Variants in ZNF888 observed in about 807,000 individuals in gnomAD.
ZNF888 encodes the protein CTD-2331H12.6.
In ZNF888, 5 loss-of-function variants were observed where a neutral mutation model predicts 7.2. The ratio of observed to expected loss-of-function variants is 0.70; its 90% CI spans 0.36 to 1.46. The LOEUF (loss-of-function observed/expected upper bound fraction) is 1.46. Ranked by LOEUF, ZNF888 falls within the 40% of genes most tolerant of loss-of-function variation. The probability of loss-of-function intolerance (pLI) is 0.03; values close to 1 mark genes in which losing one functional copy is unlikely to be tolerated. For synonymous variants in ZNF888, 240 were observed against 284.3 expected, an observed-to-expected ratio of 0.84 and a Z score of 1.57; for missense variants, 716 against 858.0, an observed-to-expected ratio of 0.83 and a Z score of 2.07.
intron 3 of ZNF888, among the ~76,000 whole-genome samples, chr19:52,915,936 T>G (rs1218667898): frequency 6.6e-6 from 1 of 152,298 alleles, no homozygotes; most frequent in African/African-American, 2.4e-5. Context: ...TGACATTCAG[T>G]ATCTCGAAGA....
At chr19:52,914,307 T>C (rs930884985) in intron 4 of ZNF888, 79 of 980,052 alleles carry the variant, frequency 8.1e-5, no homozygotes, top group South Asian at 1.9e-4. Context: ...ACACCTGTAA[T>C]ATATTCCCAC....
At position 52,906,490 on chromosome 19, in the gene ZNF888, C is replaced by T; in HGVS notation, c.1832G>A (p.Cys611Tyr). The T allele has an allele frequency of 1.2e-6, 2 of 1,613,670 alleles. No homozygotes were observed. Among genetic ancestry groups the T allele is most frequent in the Non-Finnish European group, 1.7e-6 (2 of 1,179,732 alleles). Residue 611 changes from cysteine (C) to tyrosine (Y), a missense_variant, in exon 5 of 5, where the codon TGT becomes TAT. Physicochemically the swap from Cys to Tyr is radical, Grantham distance 194 (BLOSUM62 -2). Around this residue, in one of 2 missense-constraint regions of ZNF888, gnomAD observed 697 missense variants for 803.4 expected, o/e 0.87. Transcript: ENST00000638862. The stretch of plus-strand genomic sequence containing the variant: ...TGATTTGATATTGAAAACTTTGTCA[C>T]ATTCTTCACATTTGTAAGGTTTCTC... Reference protein sequence around the residue: ...TGEKPYKCEECDKVFNIKSHL... With the variant: ...TGEKPYKCEEYDKVFNIKSHL...
chr19:52,922,688 CCT>C (rs758968331), intron 1 of ZNF888, among the ~76,000 whole-genome samples: 5 of 152,254 alleles, frequency 3.3e-5, no homozygotes, highest in African/African-American at 4.8e-5. Flanking sequence ...TCTCTGATTC[CCT>C]CTCTCTGTCT....
chr19:52,922,991 G>A lies in ZNF888; in HGVS notation c.-178+378C>T, dbSNP rs2064839929. 2.0e-5 allele frequency among the ~76,000 whole-genome samples: 3 copies of A among 152,126 alleles called. No individual in the cohort carries two copies. In the South Asian group the frequency reaches 6.2e-4, roughly 32 times the overall value. ...CCGGGCAGAGAACGCGGCCTCCCTG[G>A]GACTGTGGTGTCAGCGCTGGGCTCC... On this transcript the variant is annotated intron_variant, in intron 1 of 4. Coordinates refer to ENST00000638862, the MANE Select transcript of ZNF888 (RefSeq NM_001393938.1).
At chr19:52,913,729 C>T in intron 4 of ZNF888, 2 of 984,718 alleles carry the variant, frequency 2.0e-6, no homozygotes, top group Non-Finnish European at 2.4e-6. Context: ...CACTTCACTT[C>T]TGCGTACTGA....
Position 52,905,054 on chromosome 19 carries a change from C to G in ZNF888, c.*1111G>C, listed in dbSNP as rs1022817512. The G allele has an allele frequency of 6.6e-6, 1 of 152,382 alleles. No homozygotes were observed. The highest frequency in any genetic ancestry group is 1.5e-5 in the Non-Finnish European group (1 of 67,998). 9.4% of individuals were successfully genotyped at this position (152,382 alleles called of 1,614,324 possible). A position where few individuals can be genotyped will look rare whatever the true frequency, so the allele number is the denominator to read the frequency against. ...TACCTTGAAATCTATAAATGTTGAT[C>G]AAAATGATTAAAAACATACATAGAG... On this transcript the variant is annotated 3_prime_UTR_variant, in exon 5 of 5. Coordinates refer to ENST00000638862, the MANE Select transcript of ZNF888 (RefSeq NM_001393938.1).
rs372864213 is a variant in ZNF888, at chr19:52,923,412, C to G, written c.-221G>C. 41 of 985,272 alleles carry G rather than the reference C, an allele frequency of 4.2e-5. No homozygotes were observed. The highest frequency in any genetic ancestry group is 4.8e-5 in the Non-Finnish European group (40 of 830,026). 61.0% of individuals were successfully genotyped at this position (985,272 alleles called of 1,614,324 possible). A position where few individuals can be genotyped will look rare whatever the true frequency, so the allele number is the denominator to read the frequency against. On this transcript the variant is annotated 5_prime_UTR_variant, in exon 1 of 5. Coordinates refer to ENST00000638862, the MANE Select transcript of ZNF888 (RefSeq NM_001393938.1). ...AGTCCACGCGATCCGCTTCCTGGTCCGGGCGAATCTACAAGCACAGGACAG... is the reference window on the plus strand; with the variant it reads ...AGTCCACGCGATCCGCTTCCTGGTCGGGGCGAATCTACAAGCACAGGACAG...
chr19:52,917,837 T>C (rs1186666587), intron 3 of ZNF888, 22 bp downstream of exon 3: 1 of 1,613,508 alleles, frequency 6.2e-7, no homozygotes, highest in Non-Finnish European at 8.5e-7. Context: ...GACAGAACAA[T>C]CCACAGAGAA....
At position 52,906,772 on chromosome 19, in the gene ZNF888, G is replaced by A; in HGVS notation, c.1550C>T (p.Thr517Ile). 6.2e-7 allele frequency: 1 copy of A among 1,611,786 alleles called. No individual in the cohort carries two copies. ...ATTACACTTGTAAGGTTTCTCTCCA[G>A]TGTGAATTACAGTATGTTGTGCCAG... ...SHLAQHTVIH[T>I]GEKPYKCNEC... Residue 517 changes from threonine (T) to isoleucine (I), a missense_variant, in exon 5 of 5, where the codon ACT (threonine) becomes ATT (isoleucine). Coordinates refer to ENST00000638862, the MANE Select transcript of ZNF888 (RefSeq NM_001393938.1).
At chr19:52,912,260 C>A (rs1465031247) in intron 4 of ZNF888, among the ~76,000 whole-genome samples, 1 of 150,126 alleles carries the variant, frequency 6.7e-6, no homozygotes, top group South Asian at 2.1e-4. Context: ...ACTACAGGCA[C>A]CTGCCACCGC....
intron 4 of ZNF888, among the ~76,000 whole-genome samples, chr19:52,909,253 T>C (rs2064648625): frequency 8.8e-6 from 1 of 113,850 alleles, no homozygotes; most frequent in Non-Finnish European, 1.7e-5. Context: ...AATTTTTGTA[T>C]TTTTTTTTTT....
intron 2 of ZNF888, chr19:52,918,252 G>C: frequency 1.0e-6 from 1 of 964,264 alleles, no homozygotes; most frequent in Non-Finnish European, 1.2e-6. Flanking sequence ...CACTCTCGGA[G>C]ACCAAGGTAG....
At chr19:52,911,644 T>A (rs1024782274) in intron 4 of ZNF888, among the ~76,000 whole-genome samples, 1 of 151,680 alleles carries the variant, frequency 6.6e-6, no homozygotes, top group Non-Finnish European at 1.5e-5. Flanking sequence ...AGCATCAGTC[T>A]AAGCTATTTC....
chr19:52,921,744 A>AAT, intron 1 of ZNF888: 3 of 614,176 alleles, frequency 4.9e-6, no homozygotes, highest in Non-Finnish European at 6.1e-6. Context: ...CCTGACCTAC[A>AAT]TGGAGGAACC....
chr19:52,908,253 C>A, intron 4 of ZNF888, 74 bp from the exon 5 acceptor site: 1 of 1,375,346 alleles, frequency 7.3e-7, no homozygotes, highest in East Asian at 2.3e-5. Flanking sequence ...GTAAATATGA[C>A]ACCAAAAACA....
intron 1 of ZNF888, among the ~76,000 whole-genome samples, chr19:52,923,050 G>C (rs1389883345): frequency 6.6e-6 from 1 of 152,196 alleles, no homozygotes; most frequent in African/African-American, 2.4e-5. Context: ...GGAAGCGCCA[G>C]AGCAGGGATC....
chr19:52,918,604 A>G (rs906985892), intron 2 of ZNF888, among the ~76,000 whole-genome samples: 13 of 152,078 alleles, frequency 8.5e-5, no homozygotes, highest in Admixed American at 2.0e-4. Context: ...CCTCATCTCT[A>G]CTAAAAATAC....
In ZNF888 at chr19:52,906,287, G is replaced by A; in HGVS notation, c.2035C>T (p.Gln679Ter). Residue 679 changes from glutamine (Q) to a stop codon, truncating the protein, a stop_gained, in exon 5 of 5, where the codon CAA becomes TAA. Transcript: ENST00000638862. LOFTEE classifies it low-confidence loss of function (END_TRUNC). ...KAFKCYSHLA[Q>*]HTRIHTGEKP... The stretch of plus-strand genomic sequence containing the variant: ...TCTCCAGTATGAATTCTAGTATGTT[G>A]TGCCAGGTGTGAGTAACACTTGAAA... The A allele has an allele frequency of 6.2e-7, 1 of 1,612,806 alleles. No individual in the cohort carries two copies. The highest frequency in any genetic ancestry group is 8.5e-7 in the Non-Finnish European group (1 of 1,179,412).
In ZNF888 at chr19:52,918,943, T is replaced by C. The variant is rs963311290; in HGVS notation, c.-177-6A>G. 1 of 128,336 alleles carries C rather than the reference T, an allele frequency of 7.8e-6. No homozygotes were observed. Among genetic ancestry groups the C allele is most frequent in the African/African-American group, 3.0e-5 (1 of 33,056 alleles). The allele number at this position is 128,336 out of a possible 1,614,324, so 7.9% of individuals were successfully genotyped here. A position where few individuals can be genotyped will look rare whatever the true frequency, so the allele number is the denominator to read the frequency against. Reference sequence around the variant, plus strand: ...CTGGAGGACAGAGTGAGACTCTGTTTGAAAAAAAAAAAAAATCTCCCTCTC... The same window carrying C: ...CTGGAGGACAGAGTGAGACTCTGTTCGAAAAAAAAAAAAAATCTCCCTCTC... On this transcript the variant is annotated splice_polypyrimidine_tract_variant and splice_region_variant and intron_variant, in intron 1 of 4. Transcript: ENST00000638862.
Sources: gnomAD v4.1 joint callset for allele counts (sites outside exome capture counted in the v4.1 genomes callset) on GRCh38, gnomAD v4.1.1 for gene constraint, gnomAD v4.1.1 regional missense constraint, MANE v1.5 for transcripts, NCBI Gene and HGNC (gene_info 2026-07-23, HGNC 2026-07-21) for gene names.